Variants in ACOXL observed in about 807,000 individuals in gnomAD.
ACOXL encodes the protein acyl-CoA oxidase like.
ACOXL carries 70 observed loss-of-function variants against 71.9 expected under a neutral mutation model. The observed-to-expected ratio is 0.97, with a 90% CI of 0.80 to 1.19. The LOEUF (loss-of-function observed/expected upper bound fraction) is 1.19. ACOXL is among the 50% of genes most tolerant of loss of function. The probability of loss-of-function intolerance (pLI) is 0.00; values close to 1 mark genes in which losing one functional copy is unlikely to be tolerated. For synonymous variants in ACOXL, 253 were observed against 281.6 expected, an observed-to-expected ratio of 0.90 and a Z score of 1.02; for missense variants, 703 against 736.3, an observed-to-expected ratio of 0.95 and a Z score of 0.52.
At chr2:110,903,885 G>A (rs2059341302) in intron 10 of ACOXL, among the ~76,000 whole-genome samples, 1 of 152,236 alleles carries the variant, frequency 6.6e-6, no homozygotes, top group South Asian at 2.1e-4. Flanking sequence ...GGTCTCTCAC[G>A]GGCCAGGCCC....
intron 12 of ACOXL, among the ~76,000 whole-genome samples, chr2:110,980,794 G>A (rs3789098): frequency 0.15 from 22,997 of 152,174 alleles, 2,114 homozygotes; most frequent in East Asian, 0.34. Context: ...ATGCTGCTGC[G>A]TCTCTAAAGC....
At chr2:111,017,188 G>A (rs1365309200) in intron 14 of ACOXL, among the ~76,000 whole-genome samples, 1 of 152,232 alleles carries the variant, frequency 6.6e-6, no homozygotes, top group Non-Finnish European at 1.5e-5. Flanking sequence ...TACTGGAGGT[G>A]GTGGTATTGG....
intron 14 of ACOXL, among the ~76,000 whole-genome samples, chr2:111,002,743 C>A (rs907579491): frequency 5.9e-5 from 9 of 152,108 alleles, no homozygotes; most frequent in Admixed American, 5.2e-4. Context: ...TTTTCCCATT[C>A]CCCCTACCCT....
intron 10 of ACOXL, among the ~76,000 whole-genome samples, chr2:110,882,472 T>C (rs1039181657): frequency 4.6e-5 from 7 of 152,202 alleles, no homozygotes; most frequent in Admixed American, 4.6e-4. Flanking sequence ...TTAATTTTCA[T>C]AAAACCCAAC....
At chr2:110,799,994 G>C (rs1685769044) in intron 7 of ACOXL, among the ~76,000 whole-genome samples, 1 of 152,164 alleles carries the variant, frequency 6.6e-6, no homozygotes, top group South Asian at 2.1e-4. Flanking sequence ...GCCAATCGCG[G>C]GGAGGATTGT....
intron 17 of ACOXL, among the ~76,000 whole-genome samples, chr2:111,109,870 G>C (rs1172429646): frequency 2.0e-5 from 3 of 151,592 alleles, no homozygotes; most frequent in South Asian, 4.2e-4. Flanking sequence ...GTAGAGACAG[G>C]GTTTCACTAT....
intron 12 of ACOXL, among the ~76,000 whole-genome samples, chr2:110,965,383 T>C (rs1339719484): frequency 6.6e-6 from 1 of 152,170 alleles, no homozygotes; most frequent in Non-Finnish European, 1.5e-5. Flanking sequence ...CTATTTTTAG[T>C]TTCTGTTTGT....
At chr2:110,968,854 A>T (rs1205033508) in intron 12 of ACOXL, 1 of 338,400 alleles carries the variant, frequency 3.0e-6, no homozygotes, top group Non-Finnish European at 5.3e-6. Flanking sequence ...ACTCTATTCA[A>T]CAGGAACAGC....
At chr2:111,079,555 T>A (rs973862063) in intron 16 of ACOXL, among the ~76,000 whole-genome samples, 1 of 152,120 alleles carries the variant, frequency 6.6e-6, no homozygotes, top group Non-Finnish European at 1.5e-5. Context: ...AAAGCTGAGG[T>A]TTAGTTATCC....
intron 9 of ACOXL, among the ~76,000 whole-genome samples, chr2:110,818,669 C>T (rs1688254547): frequency 6.6e-6 from 1 of 151,862 alleles, no homozygotes; most frequent in Non-Finnish European, 1.5e-5. Context: ...TGACATGACC[C>T]CATTTTTACG....
intron 9 of ACOXL, among the ~76,000 whole-genome samples, chr2:110,813,352 T>G (rs1037838397): frequency 2.6e-5 from 4 of 152,182 alleles, no homozygotes; most frequent in African/African-American, 9.7e-5. Context: ...GTGGCAGCTG[T>G]GAGGGGCAGT....
intron 3 of ACOXL, among the ~76,000 whole-genome samples, chr2:110,792,160 A>G (rs1364291482): frequency 6.6e-6 from 1 of 152,248 alleles, no homozygotes; most frequent in Non-Finnish European, 1.5e-5. Flanking sequence ...TTGTCTGGCC[A>G]GATGAGCCAG....
At chr2:110,972,535 T>C (rs569687647) in intron 12 of ACOXL, among the ~76,000 whole-genome samples, 1 of 152,218 alleles carries the variant, frequency 6.6e-6, no homozygotes, top group South Asian at 2.1e-4. Flanking sequence ...GGACTTGACA[T>C]ATACTTATAC....
chr2:110,752,026 T>C (rs1039401587), intron 1 of ACOXL, among the ~76,000 whole-genome samples: 17 of 150,526 alleles, frequency 1.1e-4, no homozygotes, highest in African/African-American at 3.2e-4. Flanking sequence ...TCTTCTTCTT[T>C]TTTTTTTTTT....
intron 10 of ACOXL, among the ~76,000 whole-genome samples, chr2:110,892,066 C>T (rs773003818): frequency 1.3e-5 from 2 of 152,078 alleles, no homozygotes; most frequent in Non-Finnish European, 2.9e-5. Flanking sequence ...AGATAAATTG[C>T]TTTTGTCACA....
chr2:110,781,037 CAAAG>C (rs1385440643), intron 2 of ACOXL, among the ~76,000 whole-genome samples: 8 of 152,006 alleles, frequency 5.3e-5, no homozygotes, highest in South Asian at 2.1e-4. Context: ...CTTTAAGAAA[CAAAG>C]AAAGAAAAGA....
chr2:111,067,635 CATT>C (rs1432411182), intron 16 of ACOXL, among the ~76,000 whole-genome samples: 3 of 152,134 alleles, frequency 2.0e-5, no homozygotes, highest in African/African-American at 2.4e-5. Context: ...TATTCTGTCA[CATT>C]ATTTACAGCC....
chr2:110,793,787 G>A, intron 4 of ACOXL, 51 bp downstream of exon 4: 2 of 1,406,362 alleles, frequency 1.4e-6, no homozygotes, highest in Non-Finnish European at 2.0e-6. Context: ...TTAAAAATCT[G>A]TAGTAGATAG....
At chr2:110,906,596 A>T (rs2149228283) in intron 10 of ACOXL, among the ~76,000 whole-genome samples, 1 of 151,510 alleles carries the variant, frequency 6.6e-6, no homozygotes, top group African/African-American at 2.4e-5. Flanking sequence ...CAAAAAAAAA[A>T]AAAAAAAACC....
Sources: allele counts gnomAD v4.1 joint callset (sites outside exome capture counted in the v4.1 genomes callset), GRCh38; gene constraint gnomAD v4.1.1; transcripts MANE v1.5; gene names NCBI Gene and HGNC (gene_info 2026-07-23, HGNC 2026-07-21).